ESR1: variants seen among roughly 807,000 people sequenced by gnomAD.
ESR1 encodes estrogen receptor 1.
Under a neutral mutation model 52.7 loss-of-function variants are expected in ESR1, and 12 were observed. That is an observed-to-expected ratio of 0.23 (90% confidence interval 0.15 to 0.37). The LOEUF is 0.37. ESR1 is among the 10% of genes least tolerant of loss of function. The pLI is 1.00. For synonymous variants in ESR1, 305 were observed against 316.8 expected (o/e 0.96, Z 0.39); for missense variants, 584 against 779.7 (o/e 0.75, Z 2.99).
intron 6 of ESR1, chr6:152,112,885 C>G (rs1308845565): frequency 1.3e-5 from 2 of 152,266 alleles, no homozygotes; most frequent in Non-Finnish European, 2.9e-5. Context: ...AGACCCCCTA[C>G]AGAATCCAAG....
At chr6:151,743,162 T>C (rs1015461275) in intron 2 of ESR1, among the ~76,000 whole-genome samples, 1 of 151,258 alleles carries the variant, frequency 6.6e-6, no homozygotes, top group Non-Finnish European at 1.5e-5. Context: ...CAGTAAATGA[T>C]ACAGGAGATG....
intron 2 of ESR1, among the ~76,000 whole-genome samples, chr6:151,707,401 C>T (rs539161650): frequency 1.3e-5 from 2 of 151,704 alleles, no homozygotes; most frequent in African/African-American, 4.8e-5. Flanking sequence ...AAAATATTCC[C>T]ACAATATAAT....
At chr6:152,028,004 T>G (rs1421880786) in intron 5 of ESR1, among the ~76,000 whole-genome samples, 1 of 151,884 alleles carries the variant, frequency 6.6e-6, no homozygotes, top group Admixed American at 6.6e-5. Flanking sequence ...TATAGCCAGG[T>G]GTGGTGGCAG....
intron 2 of ESR1, 48 bp from the exon 3 acceptor site, chr6:151,880,607 G>A (rs2128333107): frequency 8.7e-7 from 1 of 1,150,618 alleles, no homozygotes. Flanking sequence ...ATTCTGACTG[G>A]CTAAGTTTCC....
At chr6:152,126,116 G>A (rs1053601055) in exon 7 of ESR1, 1 of 152,194 alleles carries the variant, frequency 6.6e-6, no homozygotes, top group African/African-American at 2.4e-5. Flanking sequence ...TTCTAATGCT[G>A]AAGAACGCCA....
intron 6 of ESR1, among the ~76,000 whole-genome samples, chr6:152,065,755 T>C (rs6919225): frequency 0.22 from 33,902 of 152,048 alleles, 5,567 homozygotes; most frequent in African/African-American, 0.45. Flanking sequence ...TGCTGCTGGC[T>C]TCTGCATCAC....
At chr6:151,705,074 G>T (rs1054361553) in intron 2 of ESR1, among the ~76,000 whole-genome samples, 2 of 152,070 alleles carry the variant, frequency 1.3e-5, no homozygotes, top group East Asian at 1.9e-4. Flanking sequence ...AATGATATTT[G>T]TATCCCCATT....
chr6:152,090,169 G>A lies in ESR1; in HGVS notation c.1370-4216G>A, dbSNP rs3778095. Reference sequence around the variant, plus strand: ...TTTTGAGCAAGCACACTATTTGGTTGTAGAATGAGTCCCTGGCAGGGCACC... The same window carrying A: ...TTTTGAGCAAGCACACTATTTGGTTATAGAATGAGTCCCTGGCAGGGCACC... On this transcript the variant is annotated intron_variant, in intron 6 of 7. Coordinates refer to ENST00000206249, the MANE Select transcript of ESR1 (RefSeq NM_000125.4). 1.2e-3 allele frequency among the ~76,000 whole-genome samples: 189 copies of A among 152,324 alleles called. No homozygotes were observed. In the East Asian group the frequency reaches 0.034, roughly 28 times the overall value.
intron 2 of ESR1, among the ~76,000 whole-genome samples, chr6:151,861,002 T>C (rs1260575978): frequency 6.6e-6 from 1 of 152,214 alleles, no homozygotes; most frequent in Non-Finnish European, 1.5e-5. Context: ...ATTGCTACAT[T>C]GCCCTTTTTT....
At chr6:151,837,036 C>A (rs1264610175) in intron 1 of ESR1, among the ~76,000 whole-genome samples, 1 of 151,888 alleles carries the variant, frequency 6.6e-6, no homozygotes, top group East Asian at 1.9e-4. Flanking sequence ...ATTTTATTGG[C>A]CCATAGTTTT....
At position 151,808,219 on chromosome 6, in the gene ESR1, G is replaced by A. The variant is rs766714686; in HGVS notation, c.307G>A (p.Val103Met). Residue 103 changes from valine (V) to methionine (M), a missense_variant, in exon 1 of 8, where the codon GTG (valine) becomes ATG (methionine). Coordinates refer to ENST00000206249, the MANE Select transcript of ESR1 (RefSeq NM_000125.4). Reference protein sequence around the residue: ...GLGGFPPLNSVSPSPLMLLHP... With the variant: ...GLGGFPPLNSMSPSPLMLLHP... ...GGGGGGTTTCCCCCCACTCAACAGC[G>A]TGTCTCCGAGCCCGCTGATGCTACT... 1.9e-6 allele frequency: 3 copies of A among 1,571,748 alleles called. No homozygotes were observed. Among genetic ancestry groups the A allele is most frequent in the Non-Finnish European group, 2.6e-6 (3 of 1,158,614 alleles).
intron 1 of ESR1, among the ~76,000 whole-genome samples, chr6:151,833,484 C>A (rs747444355): frequency 6.6e-6 from 1 of 152,138 alleles, no homozygotes; most frequent in Non-Finnish European, 1.5e-5. Flanking sequence ...CTGCCTGGCT[C>A]TTGCTGCAGT....
intron 1 of ESR1, among the ~76,000 whole-genome samples, chr6:151,662,534 G>T (rs1777673611): frequency 1.3e-5 from 2 of 152,200 alleles, no homozygotes; most frequent in African/African-American, 4.8e-5. Flanking sequence ...CGTCTGTGCT[G>T]TACTGCCCGG....
chr6:151,802,660 T>C (rs1327786919), upstream of ESR1, among the ~76,000 whole-genome samples: 2 of 152,226 alleles, frequency 1.3e-5, no homozygotes, highest in Non-Finnish European at 2.9e-5. Flanking sequence ...TGGCCTCAGT[T>C]GGCATGAAGA....
chr6:151,943,983 G>A (rs2035414494), intron 3 of ESR1, among the ~76,000 whole-genome samples, 190 bp from the exon 4 acceptor site: 1 of 152,152 alleles, frequency 6.6e-6, no homozygotes, highest in Non-Finnish European at 1.5e-5. Context: ...TTTACACCAT[G>A]AAAACTGCTA....
intron 1 of ESR1, chr6:151,811,266 C>T (rs1778796716): frequency 6.6e-6 from 1 of 152,152 alleles, no homozygotes; most frequent in Non-Finnish European, 1.5e-5. Flanking sequence ...TGAGATTTTG[C>T]AAGATGTTAC....
intron 4 of ESR1, among the ~76,000 whole-genome samples, chr6:151,958,561 G>A (rs1255117531): frequency 6.6e-6 from 1 of 152,192 alleles, no homozygotes; most frequent in Non-Finnish European, 1.5e-5. Flanking sequence ...CATCATGAAT[G>A]TTCATTGTTA....
At chr6:151,859,960 C>T (rs1326899182) in intron 2 of ESR1, among the ~76,000 whole-genome samples, 1 of 152,136 alleles carries the variant, frequency 6.6e-6, no homozygotes, top group Admixed American at 6.6e-5. Flanking sequence ...GCTTAACCTA[C>T]AGGTGCTCTG....
chr6:151,776,715 G>T (rs1786027405), intron 2 of ESR1, among the ~76,000 whole-genome samples: 1 of 151,994 alleles, frequency 6.6e-6, no homozygotes, highest in Non-Finnish European at 1.5e-5. Context: ...GCGGGTGCCT[G>T]TAATCCCAAC....
Sources: allele counts gnomAD v4.1 joint callset (sites outside exome capture counted in the v4.1 genomes callset), GRCh38; gene constraint gnomAD v4.1.1; transcripts MANE v1.5; gene names NCBI Gene and HGNC (gene_info 2026-07-23, HGNC 2026-07-21).